Variants in NAALADL2 observed in about 807,000 individuals in gnomAD.
NAALADL2 encodes inactive N-acetylated-alpha-linked acidic dipeptidase-like protein 2.
In NAALADL2, 76 loss-of-function variants were observed where a neutral mutation model predicts 87.2. That is an observed-to-expected ratio of 0.87 (90% CI 0.72 to 1.05). The LOEUF (loss-of-function observed/expected upper bound fraction) is 1.05, where lower values mean the gene tolerates loss of function less well. Among genes scored for constraint, NAALADL2 ranks in the 50% least tolerant of loss-of-function variants. The pLI is 0.00. For missense variants in NAALADL2, 1,089 were observed against 945.8 expected, an observed-to-expected ratio of 1.15 and a Z score of -1.99; for synonymous variants, 354 against 331.0, an observed-to-expected ratio of 1.07 and a Z score of -0.75.
chr3:174,655,682 A>G (rs1724847523), intron 2 of NAALADL2, among the ~76,000 whole-genome samples: 1 of 152,190 alleles, frequency 6.6e-6, no homozygotes, highest in Non-Finnish European at 1.5e-5. Flanking sequence ...ACTATAATAT[A>G]ACATGGATTT....
chr3:174,786,844 T>C (rs1001402156), intron 3 of NAALADL2, among the ~76,000 whole-genome samples: 1 of 152,076 alleles, frequency 6.6e-6, no homozygotes, highest in Non-Finnish European at 1.5e-5. Context: ...ACCTCTAAGA[T>C]GTAAAAATTA....
intron 2 of NAALADL2, among the ~76,000 whole-genome samples, chr3:175,132,180 GA>G (rs1728112079): frequency 1.0e-5 from 1 of 99,750 alleles, no homozygotes; most frequent in African/African-American, 4.8e-5. Flanking sequence ...TGGCTGGGCA[GA>G]GGGGCTCCTC....
intron 2 of NAALADL2, among the ~76,000 whole-genome samples, chr3:174,734,697 GTTCT>G (rs767060323): frequency 1.6e-4 from 25 of 152,234 alleles, no homozygotes; most frequent in African/African-American, 5.1e-4. Flanking sequence ...TCATCAAGCA[GTTCT>G]TTCTTTGTGA....
intron 3 of NAALADL2, among the ~76,000 whole-genome samples, chr3:174,783,515 G>A (rs969709814): frequency 1.3e-5 from 2 of 152,228 alleles, no homozygotes; most frequent in African/African-American, 4.8e-5. Context: ...CTTTGTACTT[G>A]ATACAATCAA....
intron 2 of NAALADL2, among the ~76,000 whole-genome samples, chr3:175,097,908 T>C (rs1006555049): frequency 1.3e-5 from 2 of 152,192 alleles, no homozygotes; most frequent in Non-Finnish European, 2.9e-5. Context: ...TCATGTACGT[T>C]GTTTGTAGGC....
At chr3:175,429,707 G>C (rs148167928) in intron 5 of NAALADL2, among the ~76,000 whole-genome samples, 311 of 151,988 alleles carry the variant, frequency 2.0e-3, no homozygotes, top group Non-Finnish European at 3.0e-3. Context: ...GCAAAATTTA[G>C]ATTCGTCTAA....
At chr3:174,862,684 G>A (rs886103891) in intron 1 of NAALADL2, among the ~76,000 whole-genome samples, 5 of 152,012 alleles carry the variant, frequency 3.3e-5, no homozygotes, top group Admixed American at 2.6e-4. Context: ...TATACTAATT[G>A]GCCCTTGAGA....
At chr3:175,354,379 C>T (rs1764111316) in intron 5 of NAALADL2, among the ~76,000 whole-genome samples, 1 of 152,056 alleles carries the variant, frequency 6.6e-6, no homozygotes, top group Non-Finnish European at 1.5e-5. Context: ...AATTTATAAA[C>T]TTACAACTGA....
At chr3:174,709,812 G>C (rs1730447718) in intron 2 of NAALADL2, among the ~76,000 whole-genome samples, 1 of 152,160 alleles carries the variant, frequency 6.6e-6, no homozygotes, top group Non-Finnish European at 1.5e-5. Context: ...ATTCAGAAAT[G>C]TTAAGATGGA....
At chr3:175,727,239 G>A (rs571176654) in intron 11 of NAALADL2, among the ~76,000 whole-genome samples, 6 of 152,254 alleles carry the variant, frequency 3.9e-5, no homozygotes, top group African/African-American at 1.2e-4. Context: ...AACTGTTGGA[G>A]GCATGGTGGT....
intron 3 of NAALADL2, among the ~76,000 whole-genome samples, chr3:174,825,503 G>A (rs1721877085): frequency 6.6e-6 from 1 of 152,156 alleles, no homozygotes; most frequent in Admixed American, 6.5e-5. Context: ...TGGTGAGGGT[G>A]GATCTTCTTT....
rs1394381696 is a variant in NAALADL2, at chr3:175,289,141, A to T, written c.939+32611A>T. ...TAATTTTTATGATGCAATAATTAGA[A>T]AAAAATTAACATTTTTGGCATGTCT... On this transcript the variant is annotated intron_variant, in intron 4 of 13. Coordinates refer to ENST00000454872, the MANE Select transcript of NAALADL2 (RefSeq NM_207015.3). Among the ~76,000 whole-genome samples the T allele has an allele frequency of 1.7e-3, 266 of 152,286 alleles. 3 individuals are homozygous for T. Among genetic ancestry groups the T allele is most frequent in the African/African-American group, 6.2e-3 (259 of 41,564 alleles).
chr3:174,778,820 A>G (rs529558387), intron 3 of NAALADL2, among the ~76,000 whole-genome samples: 97 of 152,218 alleles, frequency 6.4e-4, no homozygotes, highest in African/African-American at 2.3e-3. Context: ...ATCCTTTTCT[A>G]TGGCTGCATA....
rs529285424 is a variant in NAALADL2 at position 175,189,728 on chromosome 3, C to T, written c.546-44203C>T. 1.2e-4 allele frequency among the ~76,000 whole-genome samples: 19 copies of T among 152,130 alleles called. No individual in the cohort carries two copies. In the South Asian group the frequency reaches 2.9e-3, roughly 23 times the overall value. ...AATAGAAAACACAGCCTCGAATTCA[C>T]GTGGAACCATAAAAGATGTTGAATA... On this transcript the variant is annotated intron_variant, in intron 2 of 13. Coordinates refer to ENST00000454872, the MANE Select transcript of NAALADL2 (RefSeq NM_207015.3).
At chr3:175,445,600 G>C (rs971049249) in intron 5 of NAALADL2, among the ~76,000 whole-genome samples, 10 of 152,032 alleles carry the variant, frequency 6.6e-5, no homozygotes, top group Non-Finnish European at 1.2e-4. Flanking sequence ...GTACATCACT[G>C]CCTTTTTCCC....
At chr3:175,021,946 C>T (rs952029575) in intron 1 of NAALADL2, among the ~76,000 whole-genome samples, 2 of 151,904 alleles carry the variant, frequency 1.3e-5, no homozygotes, top group South Asian at 4.1e-4. Flanking sequence ...GTGTTTAGGT[C>T]ATGGGACTGG....
chr3:175,333,247 C>T (rs114381479), intron 5 of NAALADL2, among the ~76,000 whole-genome samples: 1,906 of 152,164 alleles, frequency 0.013, 42 homozygotes, highest in African/African-American at 0.042. Flanking sequence ...TGGGTGAATC[C>T]GATCTCAGGT....
At chr3:175,330,743 T>C (rs892365509) in intron 5 of NAALADL2, among the ~76,000 whole-genome samples, 1 of 151,878 alleles carries the variant, frequency 6.6e-6, no homozygotes, top group Non-Finnish European at 1.5e-5. Context: ...TCCATCTCAA[T>C]GAACTAGAAA....
At chr3:175,741,198 A>T (rs1745191207) in intron 12 of NAALADL2, among the ~76,000 whole-genome samples, 1 of 152,170 alleles carries the variant, frequency 6.6e-6, no homozygotes, top group East Asian at 1.9e-4. Context: ...GGAGGCTGAG[A>T]TATCCAAGAT....
Sources: allele counts gnomAD v4.1 joint callset (sites outside exome capture counted in the v4.1 genomes callset), GRCh38; gene constraint gnomAD v4.1.1; transcripts MANE v1.5; gene names NCBI Gene and HGNC (gene_info 2026-07-23, HGNC 2026-07-21).